Variants in GALNT13 observed in about 807,000 individuals in gnomAD.
The protein encoded by GALNT13 is UDP-GalNAc:polypeptide N-acetylgalactosaminyltransferase 13.
In GALNT13, 28 loss-of-function variants were observed where a neutral mutation model predicts 64.2. The observed-to-expected ratio is 0.44, with a 90% confidence interval of 0.32 to 0.60. The LOEUF is 0.60. GALNT13 is among the 20% of genes least tolerant of loss of function. The pLI, the probability that GALNT13 is intolerant of heterozygous loss-of-function variation, is 0.05. For missense variants in GALNT13, 577 were observed against 669.8 expected (o/e 0.86, Z 1.53); for synonymous variants, 214 against 224.6 (o/e 0.95, Z 0.42).
chr2:153,437,865 C>T, the GALNT13 span, among the ~76,000 whole-genome samples: 1 of 152,262 alleles, frequency 6.6e-6, no homozygotes, highest in East Asian at 1.9e-4. Context: ...TTGATCCTGT[C>T]ATTATGATGT....
chr2:153,688,991 G>GGGGT, the GALNT13 span, among the ~76,000 whole-genome samples: 88 of 130,222 alleles, frequency 6.8e-4, no homozygotes, highest in Admixed American at 1.4e-3. Flanking sequence ...TAGAGGTAGG[G>GGGGT]GTGTGTGTGT....
At chr2:153,104,043 A>C in the GALNT13 span, among the ~76,000 whole-genome samples, 3 of 152,120 alleles carry the variant, frequency 2.0e-5, no homozygotes, top group African/African-American at 7.2e-5. Flanking sequence ...ACTCATCTTT[A>C]TATCCCCTAC....
chr2:153,333,096 G>A, the GALNT13 span, among the ~76,000 whole-genome samples: 4 of 152,236 alleles, frequency 2.6e-5, no homozygotes, highest in Non-Finnish European at 4.4e-5. Context: ...CCTGTCCAGA[G>A]ATTAAAATGC....
chr2:154,289,821 C>A (rs1030677061), intron 8 of GALNT13, among the ~76,000 whole-genome samples: 13 of 152,322 alleles, frequency 8.5e-5, no homozygotes, highest in African/African-American at 3.1e-4. Context: ...TATTTTCTTG[C>A]AGAGAAGCTG....
At chr2:153,253,029 T>G in the GALNT13 span, among the ~76,000 whole-genome samples, 18,705 of 148,614 alleles carry the variant, frequency 0.13, 1,420 homozygotes, top group African/African-American at 0.21. Context: ...AGCTTGATGG[T>G]GATGGCATTG....
intron 3 of GALNT13, among the ~76,000 whole-genome samples, chr2:154,029,778 A>G (rs982444785): frequency 3.9e-5 from 6 of 151,972 alleles, no homozygotes; most frequent in Admixed American, 3.9e-4. Flanking sequence ...AATTACTGTC[A>G]TTAATATTTT....
chr2:154,268,914 T>TCAGTAACTAA (rs1157768243), intron 8 of GALNT13, among the ~76,000 whole-genome samples: 4 of 152,162 alleles, frequency 2.6e-5, no homozygotes, highest in African/African-American at 9.6e-5. Flanking sequence ...AGCTCTTTTG[T>TCAGTAACTAA]CAGTAACTAA....
chr2:154,433,503 A>G (rs951459565), intron 11 of GALNT13, among the ~76,000 whole-genome samples: 11 of 152,104 alleles, frequency 7.2e-5, no homozygotes, highest in Non-Finnish European at 1.3e-4. Context: ...AATAAAAAAT[A>G]AAAAATAAAT....
chr2:153,099,875 A>G, the GALNT13 span, among the ~76,000 whole-genome samples: 1 of 152,218 alleles, frequency 6.6e-6, no homozygotes, highest in African/African-American at 2.4e-5. Context: ...GACTGGGGCT[A>G]GGGTTGAGCT....
At chr2:153,226,042 T>C in the GALNT13 span, among the ~76,000 whole-genome samples, 3 of 152,152 alleles carry the variant, frequency 2.0e-5, no homozygotes, top group South Asian at 6.2e-4. Context: ...CAAGCACTTC[T>C]CCTGCTTCAG....
the GALNT13 span, among the ~76,000 whole-genome samples, chr2:153,168,378 T>C: frequency 6.6e-6 from 1 of 152,246 alleles, no homozygotes; most frequent in Admixed American, 6.5e-5. Context: ...CATTTGTTTT[T>C]ATATTTTTTA....
At chr2:154,422,038 C>T (rs1405820949) in intron 11 of GALNT13, among the ~76,000 whole-genome samples, 1 of 152,048 alleles carries the variant, frequency 6.6e-6, no homozygotes, top group African/African-American at 2.4e-5. Flanking sequence ...TGAGTAAGGA[C>T]AGCAAGGACA....
chr2:154,412,823 C>T (rs761750975), intron 11 of GALNT13, among the ~76,000 whole-genome samples: 1 of 151,570 alleles, frequency 6.6e-6, no homozygotes, highest in African/African-American at 2.4e-5. Context: ...TTTTTTAAAG[C>T]CTTATAAATA....
At chr2:154,128,218 A>G (rs1211693634) in intron 3 of GALNT13, among the ~76,000 whole-genome samples, 2 of 151,996 alleles carry the variant, frequency 1.3e-5, no homozygotes, top group African/African-American at 4.8e-5. Context: ...AAGTTTTGGA[A>G]CTAGCATATT....
At chr2:154,349,474 A>T (rs1696264537) in intron 9 of GALNT13, among the ~76,000 whole-genome samples, 1 of 152,248 alleles carries the variant, frequency 6.6e-6, no homozygotes, top group African/African-American at 2.4e-5. Context: ...TATATCCCTT[A>T]GAAACTGGAA....
the GALNT13 span, among the ~76,000 whole-genome samples, chr2:153,089,414 T>G: frequency 6.6e-6 from 1 of 152,298 alleles, no homozygotes; most frequent in East Asian, 1.9e-4. Flanking sequence ...GATTCTTTCC[T>G]TTGTCTTGAC....
the GALNT13 span, among the ~76,000 whole-genome samples, chr2:153,669,078 C>A: frequency 2.4e-4 from 36 of 152,312 alleles, 1 homozygote; most frequent in East Asian, 3.9e-4. Flanking sequence ...AGATGCCCAA[C>A]TGGCTGTCTC....
the GALNT13 span, among the ~76,000 whole-genome samples, chr2:153,430,527 G>GGAGAGAGA: frequency 6.4e-5 from 9 of 140,908 alleles, no homozygotes; most frequent in South Asian, 2.4e-4. Flanking sequence ...AGGTAGGTAG[G>GGAGAGAGA]GAGAGAGAGA....
chr2:154,218,174 A>T (rs1270899421), intron 4 of GALNT13, among the ~76,000 whole-genome samples: 1 of 152,154 alleles, frequency 6.6e-6, no homozygotes, highest in African/African-American at 2.4e-5. Context: ...TCTGACTTTC[A>T]TCAGTTTCTC....
Sources: allele counts gnomAD v4.1 joint callset (sites outside exome capture counted in the v4.1 genomes callset), GRCh38; gene constraint gnomAD v4.1.1; transcripts MANE v1.5; gene names NCBI Gene and HGNC (gene_info 2026-07-23, HGNC 2026-07-21).